TUBGCP3: variants seen among roughly 807,000 people sequenced by gnomAD.
TUBGCP3 encodes tubulin gamma complex component 3, also known as gamma-tubulin complex component 3.
In TUBGCP3, 50 loss-of-function variants were observed where a neutral mutation model predicts 123.1. That is an observed-to-expected ratio of 0.41 (90% CI 0.32 to 0.51). The LOEUF is 0.51. Among genes scored for constraint, TUBGCP3 ranks in the 20% least tolerant of loss-of-function variants. The probability of loss-of-function intolerance (pLI) is 0.36; values close to 1 mark genes in which losing one functional copy is unlikely to be tolerated. For missense variants in TUBGCP3, 882 were observed against 1,127.0 expected, an observed-to-expected ratio of 0.78 and a Z score of 3.11; for synonymous variants, 405 against 413.9, an observed-to-expected ratio of 0.98 and a Z score of 0.26.
chr13:112,496,135 T>C (rs1477748203), intron 20 of TUBGCP3, among the ~76,000 whole-genome samples: 2 of 152,316 alleles, frequency 1.3e-5, no homozygotes, highest in East Asian at 1.9e-4. Flanking sequence ...AGTACGATCA[T>C]GTTAGAAACC....
intron 13 of TUBGCP3, among the ~76,000 whole-genome samples, chr13:112,523,594 T>C (rs1345672644): frequency 6.6e-6 from 1 of 152,172 alleles, no homozygotes; most frequent in Non-Finnish European, 1.5e-5. Flanking sequence ...TTTCCATTGA[T>C]CTACGTAGTT....
chr13:112,548,962 T>C (rs1879304667), intron 8 of TUBGCP3, among the ~76,000 whole-genome samples: 2 of 152,236 alleles, frequency 1.3e-5, no homozygotes, highest in South Asian at 4.1e-4. Context: ...AAATACCATT[T>C]GACCCAGCCA....
chr13:112,565,236 T>TCCCAGCACTTTGGGAG, intron 2 of TUBGCP3, 58 bp from the exon 3 acceptor site: 1 of 1,455,746 alleles, frequency 6.9e-7, no homozygotes, highest in South Asian at 1.1e-5. Context: ...TTCATTCTTA[T>TCCCAGCACTTTGGGAG]GATACTATTT....
chr13:112,562,003 C>T (rs115344100), intron 3 of TUBGCP3, among the ~76,000 whole-genome samples: 42 of 152,240 alleles, frequency 2.8e-4, no homozygotes, highest in African/African-American at 8.4e-4. Context: ...AAGGTGTGGA[C>T]GGAAACAGGG....
rs1879611286 is a variant in TUBGCP3, at chr13:112,485,719, C to A, written c.*274G>T. 3 of 383,012 alleles carry A rather than the reference C, an allele frequency of 7.8e-6. No homozygotes were observed. In the East Asian group the frequency reaches 1.2e-4, roughly 15 times the overall value. The allele number at this position is 383,012 out of a possible 1,614,324, so 23.7% of individuals were successfully genotyped here. ...ACATAGAAAGCTTAAGAAGCCTCAG[C>A]AAATTATGGTATCTTTTAGCGATGA... On this transcript the variant is annotated 3_prime_UTR_variant, in exon 22 of 22. Transcript: ENST00000261965.
At chr13:112,579,291 A>G (rs1027475543) in intron 1 of TUBGCP3, among the ~76,000 whole-genome samples, 3 of 152,184 alleles carry the variant, frequency 2.0e-5, no homozygotes, top group African/African-American at 7.2e-5. Flanking sequence ...AGGTGGGGCC[A>G]CGGCATCCCT....
At chr13:112,590,783 A>G (rs1882869587), upstream of TUBGCP3, among the ~76,000 whole-genome samples, 1 of 152,236 alleles carries the variant, frequency 6.6e-6, no homozygotes, top group Non-Finnish European at 1.5e-5. Flanking sequence ...TAGAATGCAC[A>G]AGCAGAATAA....
At chr13:112,559,515 A>G (rs1242001146) in intron 3 of TUBGCP3, 116 bp from the exon 4 acceptor site, 1 of 826,530 alleles carries the variant, frequency 1.2e-6, no homozygotes, top group African/African-American at 1.8e-5. Context: ...TTCACATAGT[A>G]ACGTCAAATC....
intron 8 of TUBGCP3, among the ~76,000 whole-genome samples, chr13:112,550,450 C>A (rs183395686): frequency 1.3e-5 from 2 of 152,104 alleles, no homozygotes; most frequent in South Asian, 2.1e-4. Flanking sequence ...CAAAAGGACA[C>A]GTCAAAAGTG....
intron 19 of TUBGCP3, among the ~76,000 whole-genome samples, chr13:112,499,858 T>C (rs1490417688): frequency 6.6e-6 from 1 of 152,206 alleles, no homozygotes; most frequent in African/African-American, 2.4e-5. Flanking sequence ...CTTTCTCCTA[T>C]TGTGGCATGG....
intron 16 of TUBGCP3, among the ~76,000 whole-genome samples, chr13:112,518,594 C>T (rs1159850341): frequency 6.6e-6 from 1 of 152,096 alleles, no homozygotes; most frequent in Non-Finnish European, 1.5e-5. Context: ...ATACTAAATA[C>T]CAAATTTTAT....
chr13:112,573,878 C>CT (rs1881605729), intron 1 of TUBGCP3, among the ~76,000 whole-genome samples: 1 of 152,250 alleles, frequency 6.6e-6, no homozygotes, highest in African/African-American at 2.4e-5. Flanking sequence ...CAGTGCCCAG[C>CT]TGCATCTGCC....
intron 17 of TUBGCP3, among the ~76,000 whole-genome samples, chr13:112,515,217 C>T (rs1224756189): frequency 7.9e-5 from 12 of 152,254 alleles, no homozygotes; most frequent in African/African-American, 2.2e-4. Flanking sequence ...AAAACTATAT[C>T]GCAACCAGCC....
chr13:112,557,021 C>T (rs1327961969), intron 5 of TUBGCP3, among the ~76,000 whole-genome samples: 2 of 152,022 alleles, frequency 1.3e-5, no homozygotes, highest in African/African-American at 2.4e-5. Flanking sequence ...ATAATCCACT[C>T]GTGAAGTAAG....
chr13:112,589,111 A>G (rs1882814465), upstream of TUBGCP3, among the ~76,000 whole-genome samples: 1 of 152,236 alleles, frequency 6.6e-6, no homozygotes, highest in South Asian at 2.1e-4. Context: ...CAAACCACCA[A>G]GGATGCGATC....
At chr13:112,580,616 T>C (rs1037471522) in intron 1 of TUBGCP3, among the ~76,000 whole-genome samples, 1 of 152,170 alleles carries the variant, frequency 6.6e-6, no homozygotes, top group Non-Finnish European at 1.5e-5. Context: ...TTTCAGAACA[T>C]GCAGGATTTT....
chr13:112,486,690 T>C (rs61962860), intron 21 of TUBGCP3, among the ~76,000 whole-genome samples: 9 of 152,298 alleles, frequency 5.9e-5, no homozygotes, highest in Non-Finnish European at 1.3e-4. Flanking sequence ...TGAGGGCGTT[T>C]TTAAAGATGT....
chr13:112,507,698 A>C (rs1881396608), intron 17 of TUBGCP3, among the ~76,000 whole-genome samples: 1 of 152,196 alleles, frequency 6.6e-6, no homozygotes, highest in African/African-American at 2.4e-5. Context: ...GGGTCAGTCA[A>C]GCCAGCAGCA....
chr13:112,565,199 T>C, intron 2 of TUBGCP3, 21 bp from the exon 3 acceptor site: 1 of 1,604,544 alleles, frequency 6.2e-7, no homozygotes, highest in Non-Finnish European at 8.5e-7. Context: ...AGAAAAAAAA[T>C]AAGTGTGGTA....
Sources: allele counts gnomAD v4.1 joint callset (sites outside exome capture counted in the v4.1 genomes callset), GRCh38; gene constraint gnomAD v4.1.1; transcripts MANE v1.5; gene names NCBI Gene and HGNC (gene_info 2026-07-23, HGNC 2026-07-21).